Variants in PPM1L observed in about 807,000 individuals in gnomAD.
PPM1L encodes protein phosphatase, Mg2+/Mn2+ dependent 1L.
PPM1L carries 13 observed loss-of-function variants against 31.4 expected under a neutral mutation model. That is an observed-to-expected ratio of 0.41 (90% confidence interval 0.27 to 0.66). The LOEUF is 0.66. Among genes scored for constraint, PPM1L ranks in the 30% least tolerant of loss-of-function variants. PPM1L has a pLI of 0.29. For missense variants in PPM1L, 326 were observed against 453.7 expected (o/e 0.72, Z 2.56); for synonymous variants, 184 against 175.4 (o/e 1.05, Z -0.39).
chr3:161,052,240 C>T (rs1719300747), intron 2 of PPM1L, among the ~76,000 whole-genome samples: 1 of 152,204 alleles, frequency 6.6e-6, no homozygotes, highest in Non-Finnish European at 1.5e-5. Context: ...GTCTTCTGTG[C>T]TTTGAGCTCC....
intron 1 of PPM1L, among the ~76,000 whole-genome samples, chr3:160,824,192 A>T (rs1713289000): frequency 6.6e-6 from 1 of 152,062 alleles, no homozygotes; most frequent in Non-Finnish European, 1.5e-5. Context: ...TTAAAAGAAG[A>T]GGGTGGAGAG....
chr3:160,886,709 C>G (rs1465447706), intron 1 of PPM1L, among the ~76,000 whole-genome samples: 1 of 152,074 alleles, frequency 6.6e-6, no homozygotes, highest in Non-Finnish European at 1.5e-5. Flanking sequence ...ATTCAAGGGT[C>G]AGTAGCTTCA....
At chr3:161,030,592 A>T (rs5004752) in intron 2 of PPM1L, among the ~76,000 whole-genome samples, 96,846 of 152,108 alleles carry the variant, frequency 0.64, 33,596 homozygotes, top group East Asian at 0.98. Context: ...TAATATCAAT[A>T]ACCAAGAGAT....
intron 1 of PPM1L, among the ~76,000 whole-genome samples, chr3:160,826,814 A>G (rs1713367335): frequency 6.6e-6 from 1 of 152,192 alleles, no homozygotes; most frequent in Non-Finnish European, 1.5e-5. Flanking sequence ...TTTTATCACT[A>G]CTAAGAATTT....
chr3:160,809,450 A>G (rs1188673995), intron 1 of PPM1L, among the ~76,000 whole-genome samples: 2 of 152,076 alleles, frequency 1.3e-5, no homozygotes, highest in Admixed American at 1.3e-4. Flanking sequence ...CTGGCTCCAA[A>G]TGGTATTTAA....
At chr3:160,899,425 A>G (rs1560143780) in intron 1 of PPM1L, among the ~76,000 whole-genome samples, 1 of 152,228 alleles carries the variant, frequency 6.6e-6, no homozygotes, top group Non-Finnish European at 1.5e-5. Context: ...GTACAGGGGT[A>G]AGGAAGATTA....
At chr3:160,792,754 T>C (rs1190805247) in intron 1 of PPM1L, among the ~76,000 whole-genome samples, 1 of 152,206 alleles carries the variant, frequency 6.6e-6, no homozygotes, top group African/African-American at 2.4e-5. Context: ...GCTAGAATGA[T>C]TCACAGAACT....
At position 160,889,977 on chromosome 3, in the gene PPM1L, G is replaced by A. The variant is rs569508453; in HGVS notation, c.400-71759G>A. ...CTTTCATGTTAAAAACTCAAACTGG[G>A]TTTTGATAGAACATATCTCAAAATA... is the stretch of plus-strand genomic sequence containing the variant. On this transcript the variant is annotated intron_variant, in intron 1 of 3. Coordinates refer to ENST00000498165, the MANE Select transcript of PPM1L (RefSeq NM_139245.4). 2.3e-4 allele frequency among the ~76,000 whole-genome samples: 35 copies of A among 151,980 alleles called. 1 individual carries two copies. The highest frequency in any genetic ancestry group is 7.2e-4 in the Admixed American group (11 of 15,246).
Position 160,839,248 on chromosome 3 carries a change from G to C in PPM1L, c.399+82541G>C, listed in dbSNP as rs184395954. Among the ~76,000 whole-genome samples the C allele has an allele frequency of 6.6e-5, 10 of 152,322 alleles. No homozygotes were observed. In the South Asian group the frequency reaches 1.0e-3, roughly 16 times the overall value. On this transcript the variant is annotated intron_variant, in intron 1 of 3. Transcript: ENST00000498165. Reference sequence around the variant, plus strand: ...ACAACTTATTTGTAATTATGTTTGCGTAGCAAACTCACTGTTTTTACTTAG... The same window carrying C: ...ACAACTTATTTGTAATTATGTTTGCCTAGCAAACTCACTGTTTTTACTTAG...
At chr3:160,765,652 C>T (rs544795290) in intron 1 of PPM1L, among the ~76,000 whole-genome samples, 2 of 152,266 alleles carry the variant, frequency 1.3e-5, no homozygotes, top group African/African-American at 4.8e-5. Context: ...CCTGTTGGCT[C>T]ATGAAAGGCT....
At chr3:161,044,717 C>T (rs1451165150) in intron 2 of PPM1L, among the ~76,000 whole-genome samples, 1 of 152,136 alleles carries the variant, frequency 6.6e-6, no homozygotes, top group African/African-American at 2.4e-5. Context: ...CATCAACTAA[C>T]GAGCAAAATA....
chr3:160,917,220 A>G (rs1714214884), intron 1 of PPM1L, among the ~76,000 whole-genome samples: 1 of 152,234 alleles, frequency 6.6e-6, no homozygotes, highest in South Asian at 2.1e-4. Flanking sequence ...CAAATTAATT[A>G]GTGGGACAAA....
intron 2 of PPM1L, among the ~76,000 whole-genome samples, chr3:161,011,709 G>A (rs1717901618): frequency 6.6e-6 from 1 of 152,116 alleles, no homozygotes; most frequent in Non-Finnish European, 1.5e-5. Context: ...GTGGTTTATA[G>A]TTCTCCTTGA....
intron 1 of PPM1L, among the ~76,000 whole-genome samples, chr3:160,865,585 G>T (rs760616911): frequency 4.6e-5 from 7 of 152,156 alleles, no homozygotes; most frequent in Non-Finnish European, 1.0e-4. Flanking sequence ...GACCATCCTG[G>T]CCAACATGGT....
intron 2 of PPM1L, among the ~76,000 whole-genome samples, chr3:160,963,216 C>G (rs1716022163): frequency 6.6e-6 from 1 of 152,026 alleles, no homozygotes; most frequent in Non-Finnish European, 1.5e-5. Flanking sequence ...AAAACAAACT[C>G]ATAGACTTGC....
At chr3:160,886,822 A>G (rs1204072692) in intron 1 of PPM1L, among the ~76,000 whole-genome samples, 1 of 152,140 alleles carries the variant, frequency 6.6e-6, no homozygotes, top group Non-Finnish European at 1.5e-5. Context: ...AATGATTGCA[A>G]CATCTCTTCA....
At chr3:160,786,966 G>A (rs76584687) in intron 1 of PPM1L, among the ~76,000 whole-genome samples, 8,833 of 152,222 alleles carry the variant, frequency 0.058, 830 homozygotes, top group African/African-American at 0.2. Context: ...AGTAGTCCAT[G>A]TTATATAGGT....
At chr3:160,966,490 G>A (rs1399608020) in intron 2 of PPM1L, among the ~76,000 whole-genome samples, 1 of 152,068 alleles carries the variant, frequency 6.6e-6, no homozygotes, top group Non-Finnish European at 1.5e-5. Context: ...TTTCATTAAA[G>A]CCTCTTCATG....
chr3:160,842,312 T>G (rs1713908857), intron 1 of PPM1L: 2 of 702,310 alleles, frequency 2.8e-6, no homozygotes, highest in East Asian at 5.4e-5. Flanking sequence ...TCTGTTTGGC[T>G]CTAATAGAGG....
Sources: gnomAD v4.1 joint callset for allele counts (sites outside exome capture counted in the v4.1 genomes callset) on GRCh38, gnomAD v4.1.1 for gene constraint, MANE v1.5 for transcripts, NCBI Gene and HGNC (gene_info 2026-07-23, HGNC 2026-07-21) for gene names.